Variants in RBFOX1 observed in about 807,000 individuals in gnomAD.
RBFOX1 encodes RNA binding fox-1 homolog 1, also known as RNA binding protein fox-1 homolog 1.
A neutral mutation model predicts 57.7 loss-of-function variants in RBFOX1; 8 were observed. That is an observed-to-expected ratio of 0.14 (90% CI 0.08 to 0.25). RBFOX1 has a LOEUF of 0.25. Among genes scored for constraint, RBFOX1 ranks in the 10% least tolerant of loss-of-function variants. The pLI, the probability that RBFOX1 is intolerant of heterozygous loss-of-function variation, is 1.00. For synonymous variants in RBFOX1, 326 were observed against 222.4 expected (o/e 1.47, Z -4.15); for missense variants, 611 against 548.5 (o/e 1.11, Z -1.14).
chr16:7,534,850 A>C (rs936173711), intron 5 of RBFOX1, among the ~76,000 whole-genome samples: 1 of 151,872 alleles, frequency 6.6e-6, no homozygotes, highest in South Asian at 2.1e-4. Flanking sequence ...TTGCCCCGCT[A>C]TGTGTGTGTG....
chr16:5,360,577 T>C (rs12920388), intron 1 of RBFOX1, among the ~76,000 whole-genome samples: 58,610 of 152,058 alleles, frequency 0.39, 12,912 homozygotes, highest in Non-Finnish European at 0.49. Flanking sequence ...AAGGGAAAGA[T>C]CTGGATGTGT....
chr16:6,752,634 C>T (rs1178103133), intron 3 of RBFOX1, among the ~76,000 whole-genome samples: 1 of 152,174 alleles, frequency 6.6e-6, no homozygotes, highest in East Asian at 1.9e-4. Context: ...TAATGTTCTT[C>T]CATTCCCCTG....
chr16:5,657,192 G>C (rs947701540), intron 3 of RBFOX1, among the ~76,000 whole-genome samples: 1 of 152,164 alleles, frequency 6.6e-6, no homozygotes, highest in Non-Finnish European at 1.5e-5. Context: ...GGAATGATCT[G>C]GTTGATTGGA....
chr16:5,317,266 A>C (rs910642488), intron 1 of RBFOX1, among the ~76,000 whole-genome samples: 61 of 152,096 alleles, frequency 4.0e-4, no homozygotes, highest in African/African-American at 1.2e-3. Flanking sequence ...TCTCTAGACA[A>C]CCCTGACAAA....
intron 2 of RBFOX1, among the ~76,000 whole-genome samples, chr16:5,472,292 C>T (rs1169832258): frequency 6.6e-6 from 1 of 152,146 alleles, no homozygotes; most frequent in Non-Finnish European, 1.5e-5. Context: ...ATTGCTTGTA[C>T]ACCTACTGTG....
chr16:6,628,627 T>G (rs1377524598), intron 2 of RBFOX1, among the ~76,000 whole-genome samples: 1 of 152,172 alleles, frequency 6.6e-6, no homozygotes, highest in Non-Finnish European at 1.5e-5. Context: ...GTGTAAATCT[T>G]TAATGAGAGC....
intron 3 of RBFOX1, among the ~76,000 whole-genome samples, chr16:5,664,826 C>G (rs1261191053): frequency 6.6e-6 from 1 of 152,158 alleles, no homozygotes; most frequent in East Asian, 1.9e-4. Context: ...CCTCTGGCTT[C>G]TCATTGTTCT....
intron 1 of RBFOX1, among the ~76,000 whole-genome samples, chr16:5,283,309 C>T (rs1054229450): frequency 3.9e-5 from 6 of 152,162 alleles, no homozygotes; most frequent in Non-Finnish European, 8.8e-5. Flanking sequence ...TCGGAGCCCC[C>T]ACATAGAGTC....
intron 3 of RBFOX1, among the ~76,000 whole-genome samples, chr16:5,707,731 C>A (rs1185605452): frequency 2.0e-5 from 3 of 152,148 alleles, no homozygotes; most frequent in African/African-American, 7.2e-5. Context: ...AGGAATGATA[C>A]TAATACCTTA....
At chr16:6,892,775 C>CCTCTGT (rs2065796884) in intron 3 of RBFOX1, among the ~76,000 whole-genome samples, 2 of 84,662 alleles carry the variant, frequency 2.4e-5, no homozygotes, top group African/African-American at 1.0e-4. Context: ...TCCCTGTCTC[C>CCTCTGT]CTCTCTCTCT....
intron 3 of RBFOX1, among the ~76,000 whole-genome samples, chr16:5,650,363 A>G (rs1245939591): frequency 6.8e-6 from 1 of 146,268 alleles, no homozygotes; most frequent in Non-Finnish European, 1.5e-5. Context: ...GGAGGGAGGG[A>G]GGGAGCCCCG....
intron 2 of RBFOX1, among the ~76,000 whole-genome samples, chr16:6,602,748 C>G (rs1254770591): frequency 1.3e-5 from 1 of 77,180 alleles, no homozygotes; most frequent in Non-Finnish European, 2.7e-5. Flanking sequence ...CCACTTGCTG[C>G]TTTATCCCTT....
intron 3 of RBFOX1, among the ~76,000 whole-genome samples, chr16:7,016,893 C>T (rs2093943488): frequency 6.6e-6 from 1 of 152,110 alleles, no homozygotes; most frequent in Admixed American, 6.6e-5. Context: ...TCACTTGACC[C>T]TGTGTACCAA....
chr16:6,553,355 T>C (rs576351356), intron 2 of RBFOX1, among the ~76,000 whole-genome samples: 1 of 152,314 alleles, frequency 6.6e-6, no homozygotes, highest in Admixed American at 6.5e-5. Flanking sequence ...CTGGGGATAA[T>C]GTGTGGAGTG....
chr16:6,362,537 A>C (rs942396721), intron 2 of RBFOX1, among the ~76,000 whole-genome samples: 1 of 152,206 alleles, frequency 6.6e-6, no homozygotes, highest in Non-Finnish European at 1.5e-5. Context: ...GGACATATGA[A>C]ATTAAGTTTA....
chr16:6,464,484 C>G (rs192151210), intron 2 of RBFOX1, among the ~76,000 whole-genome samples: 8 of 152,176 alleles, frequency 5.3e-5, no homozygotes, highest in Admixed American at 5.2e-4. Flanking sequence ...TAACGAAGTC[C>G]TACCCTGATC....
intron 4 of RBFOX1, among the ~76,000 whole-genome samples, chr16:6,010,822 C>T (rs951501806): frequency 6.6e-6 from 1 of 152,118 alleles, no homozygotes; most frequent in Non-Finnish European, 1.5e-5. Flanking sequence ...CTTTATAGTC[C>T]TAAAAGACAT....
chr16:6,378,408 C>T (rs539761895), intron 2 of RBFOX1, among the ~76,000 whole-genome samples: 105 of 152,310 alleles, frequency 6.9e-4, no homozygotes, highest in African/African-American at 2.5e-3. Flanking sequence ...ACTAGCCTGT[C>T]AGCATGCTGG....
chr16:6,052,458 G>T lies in RBFOX1; in HGVS notation c.-127+32466G>T, dbSNP rs539389347. On this transcript the variant is annotated intron_variant, in intron 1 of 15. Transcript: ENST00000550418. Reference sequence around the variant, plus strand: ...GCTTAGTCAACCTCTATACGCCTTGGTATCCTAATCTGTAAAGTGGGGAAC... The same window carrying T: ...GCTTAGTCAACCTCTATACGCCTTGTTATCCTAATCTGTAAAGTGGGGAAC... 5.3e-5 allele frequency among the ~76,000 whole-genome samples: 8 copies of T among 152,122 alleles called. No individual in the cohort carries two copies. The South Asian group carries it at 1.5e-3, about 28-fold the overall frequency.
Sources: gnomAD v4.1 joint callset for allele counts (sites outside exome capture counted in the v4.1 genomes callset) on GRCh38, gnomAD v4.1.1 for gene constraint, MANE v1.5 for transcripts, NCBI Gene and HGNC (gene_info 2026-07-23, HGNC 2026-07-21) for gene names.